AK8: variants seen among roughly 807,000 people sequenced by gnomAD.
AK8 encodes the protein adenylate kinase 8, also known as ATP-AMP transphosphorylase 8.
Under a neutral mutation model 54.6 loss-of-function variants are expected in AK8, and 44 were observed. The observed-to-expected ratio is 0.81, with a 90% CI of 0.63 to 1.04. The LOEUF (loss-of-function observed/expected upper bound fraction) is 1.04. AK8 is among the 50% of genes least tolerant of loss of function. The probability of loss-of-function intolerance (pLI) is 0.00; values close to 1 mark genes in which losing one functional copy is unlikely to be tolerated. For synonymous variants in AK8, 239 were observed against 245.6 expected, an observed-to-expected ratio of 0.97 and a Z score of 0.25; for missense variants, 555 against 613.6, an observed-to-expected ratio of 0.90 and a Z score of 1.01.
At chr9:132,751,933 G>A (rs1053138923) in intron 11 of AK8, among the ~76,000 whole-genome samples, 1 of 150,876 alleles carries the variant, frequency 6.6e-6, no homozygotes, top group Non-Finnish European at 1.5e-5. Flanking sequence ...CTGCCTCCTG[G>A]GTTCAAGTGA....
At position 132,786,785 on chromosome 9, in the gene AK8, A is replaced by G. The variant is rs571229017; in HGVS notation, c.1121+5849T>C. 2.6e-5 allele frequency among the ~76,000 whole-genome samples: 4 copies of G among 152,330 alleles called. No homozygotes were observed. In the South Asian group the frequency reaches 8.3e-4, roughly 32 times the overall value. ...TAAAAAAAGACTCTGCTGAGAAAGA[A>G]TAAGACCAAGACAAACAAAAATTCA... On this transcript the variant is annotated intron_variant, in intron 11 of 12. Transcript: ENST00000298545.
At position 132,821,829 on chromosome 9, in the gene AK8, A is replaced by G. The variant is rs542606925; in HGVS notation, c.889+1376T>C. Among the ~76,000 whole-genome samples, 463 of 112,690 alleles carry G rather than the reference A, an allele frequency of 4.1e-3. 2 individuals are homozygous for G. The highest frequency in any genetic ancestry group is 0.013 in the African/African-American group (367 of 29,310). The allele number at this position is 112,690 out of a possible 152,430, so 73.9% of individuals were successfully genotyped here. On this transcript the variant is annotated intron_variant, in intron 9 of 12. Transcript: ENST00000298545. ...TGTGTATGTATATACAAATATATACATATATGTGTATGTATATACAAATAT... is the reference window on the plus strand; with the variant it reads ...TGTGTATGTATATACAAATATATACGTATATGTGTATGTATATACAAATAT...
chr9:132,825,516 C>T (rs1841833918), intron 8 of AK8, among the ~76,000 whole-genome samples: 1 of 152,172 alleles, frequency 6.6e-6, no homozygotes, highest in Non-Finnish European at 1.5e-5. Context: ...AATGACCCTT[C>T]CGAGATGCAA....
intron 4 of AK8, among the ~76,000 whole-genome samples, chr9:132,858,799 GGGA>G (rs1275700007): frequency 2.6e-5 from 4 of 152,196 alleles, no homozygotes; most frequent in African/African-American, 9.6e-5. Flanking sequence ...GACAAGAGGA[GGGA>G]GGAGAGAGGA....
chr9:132,839,821 G>A (rs1044888775), intron 5 of AK8, among the ~76,000 whole-genome samples: 1 of 49,776 alleles, frequency 2.0e-5, no homozygotes, highest in South Asian at 5.0e-4. Context: ...TTTTTTTGCC[G>A]GGGGGGGGGG....
chr9:132,806,042 C>T (rs190042838), intron 10 of AK8, among the ~76,000 whole-genome samples: 1 of 151,518 alleles, frequency 6.6e-6, no homozygotes, highest in African/African-American at 2.4e-5. Flanking sequence ...GGGGAGGCAA[C>T]GCGAAGGAAA....
intron 11 of AK8, among the ~76,000 whole-genome samples, chr9:132,751,394 A>C (rs1182555917): frequency 2.3e-4 from 34 of 150,524 alleles, no homozygotes; most frequent in Non-Finnish European, 1.5e-5. Flanking sequence ...AAAAAAAAAA[A>C]AACAAAAAAA....
chr9:132,845,499 ACTATT>A (rs1842713083), intron 5 of AK8, among the ~76,000 whole-genome samples: 1 of 152,220 alleles, frequency 6.6e-6, no homozygotes, highest in African/African-American at 2.4e-5. Flanking sequence ...TATTTGAAAG[ACTATT>A]CTAGGCCGGG....
At chr9:132,831,700 A>G (rs1204208109) in intron 5 of AK8, among the ~76,000 whole-genome samples, 3 of 152,216 alleles carry the variant, frequency 2.0e-5, no homozygotes, top group African/African-American at 7.2e-5. Context: ...ACTCACGTCC[A>G]TATCACCTGA....
chr9:132,875,023 G>A (rs1844027306), intron 2 of AK8, 92 bp downstream of exon 2: 4 of 1,483,544 alleles, frequency 2.7e-6, no homozygotes, highest in South Asian at 1.2e-5. Context: ...TGGAGAGGAA[G>A]AGGAGGAGGA....
intron 5 of AK8, among the ~76,000 whole-genome samples, chr9:132,839,900 C>T (rs1219150339): frequency 6.6e-6 from 1 of 151,346 alleles, no homozygotes; most frequent in African/African-American, 2.4e-5. Flanking sequence ...TCACCGCAAC[C>T]TCTGCCTCCC....
intron 2 of AK8, among the ~76,000 whole-genome samples, chr9:132,870,837 C>G (rs1843793746): frequency 6.6e-6 from 1 of 152,188 alleles, no homozygotes; most frequent in African/African-American, 2.4e-5. Context: ...ACACACCAGC[C>G]CAGGGGAACA....
At chr9:132,821,004 G>T (rs981894693) in intron 9 of AK8, among the ~76,000 whole-genome samples, 1 of 151,912 alleles carries the variant, frequency 6.6e-6, no homozygotes, top group African/African-American at 2.4e-5. Flanking sequence ...ATCTAAAAGA[G>T]CCCCATCATG....
rs958262268 is a variant in AK8, at chr9:132,796,914, G to A, written c.980-4139C>T. Among the ~76,000 whole-genome samples the A allele has an allele frequency of 3.3e-5, 5 of 152,078 alleles. 1 individual carries two copies. Among genetic ancestry groups the A allele is most frequent in the South Asian group, 2.1e-4 (1 of 4,814 alleles). On this transcript the variant is annotated intron_variant, in intron 10 of 12. Transcript: ENST00000298545. ...GGGTGGTGGAGGTGAGAGGGCACCCGGATGTAATGCAACACAAACCTGGCA... is the reference window on the plus strand; with the variant it reads ...GGGTGGTGGAGGTGAGAGGGCACCCAGATGTAATGCAACACAAACCTGGCA...
At chr9:132,761,977 C>A (rs1838495094) in intron 11 of AK8, among the ~76,000 whole-genome samples, 1 of 152,172 alleles carries the variant, frequency 6.6e-6, no homozygotes, top group South Asian at 2.1e-4. Flanking sequence ...TCAAGCAATT[C>A]TTGTGTCTCA....
intron 2 of AK8, among the ~76,000 whole-genome samples, chr9:132,867,830 G>C (rs1233239998): frequency 6.6e-6 from 1 of 152,244 alleles, no homozygotes; most frequent in Admixed American, 6.5e-5. Context: ...CTGGAAACAA[G>C]GTGGCTTTGG....
intron 11 of AK8, chr9:132,769,006 C>G (rs915621676): frequency 2.0e-5 from 3 of 149,738 alleles, no homozygotes; most frequent in Non-Finnish European, 1.5e-5. Flanking sequence ...GAGTGCAATA[C>G]AGTTCCTGCC....
At chr9:132,746,795 T>C (rs895925069) in intron 11 of AK8, among the ~76,000 whole-genome samples, 2 of 152,160 alleles carry the variant, frequency 1.3e-5, no homozygotes, top group Non-Finnish European at 2.9e-5. Flanking sequence ...AGGCGAGCAC[T>C]CAGTCTCTGC....
At chr9:132,843,823 G>A (rs1460048515) in intron 5 of AK8, among the ~76,000 whole-genome samples, 7 of 152,122 alleles carry the variant, frequency 4.6e-5, no homozygotes, top group Non-Finnish European at 1.0e-4. Context: ...GGGGGACTTT[G>A]GTGCCTTTGG....
Sources: gnomAD v4.1 joint callset for allele counts (sites outside exome capture counted in the v4.1 genomes callset) on GRCh38, gnomAD v4.1.1 for gene constraint, MANE v1.5 for transcripts, NCBI Gene and HGNC (gene_info 2026-07-23, HGNC 2026-07-21) for gene names.